Variants in PPM1H observed in about 807,000 individuals in gnomAD.
The protein encoded by PPM1H is protein phosphatase, Mg2+/Mn2+ dependent 1H, also known as protein phosphatase 1H.
In PPM1H, 27 loss-of-function variants were observed where a neutral mutation model predicts 54.9. That is an observed-to-expected ratio of 0.49 (90% confidence interval 0.36 to 0.68). The LOEUF (loss-of-function observed/expected upper bound fraction) is 0.68. PPM1H is among the 30% of genes least tolerant of loss of function. The pLI, the probability that PPM1H is intolerant of heterozygous loss-of-function variation, is 0.00. For synonymous variants in PPM1H, 305 were observed against 270.8 expected (o/e 1.13, Z -1.24); for missense variants, 596 against 667.8 (o/e 0.89, Z 1.19).
chr12:62,860,185 GC>G (rs1869545458), intron 1 of PPM1H, among the ~76,000 whole-genome samples: 1 of 152,178 alleles, frequency 6.6e-6, no homozygotes, highest in Non-Finnish European at 1.5e-5. Flanking sequence ...GGAGTGCAAA[GC>G]AAAGGGGGGA....
At chr12:62,765,519 A>T (rs575080201) in intron 4 of PPM1H, among the ~76,000 whole-genome samples, 1 of 152,216 alleles carries the variant, frequency 6.6e-6, no homozygotes, top group African/African-American at 2.4e-5. Flanking sequence ...TACATAATCA[A>T]TTTTTCAACA....
chr12:62,784,615 C>A (rs535874348), intron 4 of PPM1H, among the ~76,000 whole-genome samples: 2 of 152,344 alleles, frequency 1.3e-5, no homozygotes, highest in South Asian at 4.1e-4. Context: ...GAACCTTCTG[C>A]GGCTCTAAGC....
intron 6 of PPM1H, among the ~76,000 whole-genome samples, chr12:62,696,395 C>T (rs937880302): frequency 6.6e-6 from 1 of 152,160 alleles, no homozygotes; most frequent in Non-Finnish European, 1.5e-5. Flanking sequence ...TCTGCCCCGC[C>T]AGTGTTGGTT....
chr12:62,702,664 T>C (rs2076151059), intron 6 of PPM1H, among the ~76,000 whole-genome samples: 1 of 151,990 alleles, frequency 6.6e-6, no homozygotes, highest in South Asian at 2.1e-4. Flanking sequence ...CGTGATCCCC[T>C]CCGGGGGGTA....
intron 1 of PPM1H, among the ~76,000 whole-genome samples, chr12:62,851,798 A>C (rs1869197603): frequency 1.3e-5 from 2 of 152,206 alleles, no homozygotes; most frequent in Non-Finnish European, 2.9e-5. Flanking sequence ...ATTAAAGGAG[A>C]GAAATTAAAC....
intron 9 of PPM1H, chr12:62,658,691 A>ATGCATT: frequency 3.2e-6 from 1 of 313,868 alleles, no homozygotes; most frequent in South Asian, 2.9e-5. Context: ...TGTTAGCGCA[A>ATGCATT]TGCATTTCCT....
intron 5 of PPM1H, among the ~76,000 whole-genome samples, chr12:62,733,602 A>G (rs1327930496): frequency 6.6e-6 from 1 of 152,138 alleles, no homozygotes; most frequent in African/African-American, 2.4e-5. Flanking sequence ...AATTCCCTCA[A>G]GTATTTACCA....
intron 7 of PPM1H, 22 bp downstream of exon 7, chr12:62,693,914 C>G: frequency 6.2e-7 from 1 of 1,606,252 alleles, no homozygotes; most frequent in Non-Finnish European, 8.5e-7. Flanking sequence ...CCTCTCTACC[C>G]AGGGGAAGCA....
intron 2 of PPM1H, among the ~76,000 whole-genome samples, chr12:62,803,420 A>G (rs753283761): frequency 3.3e-4 from 51 of 152,344 alleles, no homozygotes; most frequent in Non-Finnish European, 4.7e-4. Flanking sequence ...AATCTTTGAC[A>G]AGGGTACCAA....
chr12:62,759,929 A>AC (rs1565780473), intron 4 of PPM1H, among the ~76,000 whole-genome samples: 1 of 150,684 alleles, frequency 6.6e-6, no homozygotes, highest in African/African-American at 2.4e-5. Context: ...GGGGGCAAGC[A>AC]CCCCCCATCC....
intron 2 of PPM1H, among the ~76,000 whole-genome samples, chr12:62,804,351 C>CAAAAAAAAAAAAAAAAGAAA (rs371143962): frequency 2.2e-5 from 3 of 137,622 alleles, no homozygotes; most frequent in African/African-American, 8.9e-5. Context: ...GACCCTGTCT[C>CAAAAAAAAAAAAAAAAGAAA]AAAAAAAAAA....
At chr12:62,858,393 T>C (rs1166198619) in intron 1 of PPM1H, among the ~76,000 whole-genome samples, 1 of 152,228 alleles carries the variant, frequency 6.6e-6, no homozygotes, top group African/African-American at 2.4e-5. Context: ...TTTAATAAGC[T>C]AATTTAGGCT....
chr12:62,924,727 C>T (rs142946808), intron 1 of PPM1H, among the ~76,000 whole-genome samples: 101 of 152,218 alleles, frequency 6.6e-4, no homozygotes, highest in African/African-American at 2.1e-3. Context: ...GACTACAAAA[C>T]GTGAGATTTC....
chr12:62,703,590 A>G (rs2076156191), intron 6 of PPM1H, among the ~76,000 whole-genome samples: 1 of 152,062 alleles, frequency 6.6e-6, no homozygotes, highest in Admixed American at 6.6e-5. Flanking sequence ...TCTCAGCAGT[A>G]GCTTAAATCT....
intron 2 of PPM1H, 21 bp downstream of exon 2, chr12:62,832,093 A>G (rs767529776): frequency 2.1e-5 from 34 of 1,611,158 alleles, no homozygotes; most frequent in Non-Finnish European, 2.7e-5. Flanking sequence ...CCTGAGAACC[A>G]AGGATCGAGA....
Position 62,689,728 on chromosome 12 carries a change from T to C in PPM1H, c.1216A>G (p.Ile406Val), listed in dbSNP as rs751963941. 1.9e-6 allele frequency: 3 copies of C among 1,613,770 alleles called. No individual in the cohort carries two copies. The Admixed American group carries it at 5.0e-5, about 27-fold the overall frequency. Residue 406 changes from isoleucine to valine, a missense_variant, in exon 8 of 10, where the codon ATT becomes GTT. Around this residue, in one of 3 missense-constraint regions of PPM1H, gnomAD observed 208 missense variants for 259.5 expected, o/e 0.80. Transcript: ENST00000228705. The part of the protein sequence containing the change: ...DLKVHDSNIY[I>V]KPFLSSAPEV... ...GGAGCTGAAGACAGGAATGGTTTAA[T>C]GTAGATGTTGGAGTCATGCACCTTC...
At chr12:62,702,572 G>GAGAGAGAT (rs1405263592) in intron 6 of PPM1H, among the ~76,000 whole-genome samples, 1 of 152,078 alleles carries the variant, frequency 6.6e-6, no homozygotes, top group Non-Finnish European at 1.5e-5. Context: ...GAGAGAGAGA[G>GAGAGAGAT]AGAGAGAGAA....
At chr12:62,664,651 A>T (rs2075906417) in intron 9 of PPM1H, among the ~76,000 whole-genome samples, 2 of 152,226 alleles carry the variant, frequency 1.3e-5, no homozygotes, top group African/African-American at 4.8e-5. Context: ...ACTGTTTTAT[A>T]TAGTCAAGGT....
At position 62,751,106 on chromosome 12, in the gene PPM1H, C is replaced by T. The variant is rs544978072; in HGVS notation, c.870-13520G>A. On this transcript the variant is annotated intron_variant, in intron 4 of 9. Transcript: ENST00000228705. ...TACTGCAGTCTATTTATGAGTAGGACGAACTTTTCTCTTCTTTTTAAAGAT... is the reference window on the plus strand; with the variant it reads ...TACTGCAGTCTATTTATGAGTAGGATGAACTTTTCTCTTCTTTTTAAAGAT... Among the ~76,000 whole-genome samples the T allele has an allele frequency of 4.5e-4, 68 of 152,296 alleles. No individual in the cohort carries two copies. The Middle Eastern group carries it at 0.01, about 23-fold the overall frequency.
Sources: allele counts gnomAD v4.1 joint callset (sites outside exome capture counted in the v4.1 genomes callset), GRCh38; gene constraint gnomAD v4.1.1; regional missense constraint gnomAD v4.1.1; transcripts MANE v1.5; gene names NCBI Gene and HGNC (gene_info 2026-07-23, HGNC 2026-07-21).